Variants in SPIDR observed in about 807,000 individuals in gnomAD.
SPIDR encodes the protein DNA repair-scaffolding protein.
A neutral mutation model predicts 104.6 loss-of-function variants in SPIDR; 93 were observed. The observed-to-expected ratio is 0.89, with a 90% CI of 0.75 to 1.06. The LOEUF (loss-of-function observed/expected upper bound fraction) is 1.06. Among genes scored for constraint, SPIDR ranks in the 50% least tolerant of loss-of-function variants. The pLI is 0.00. For synonymous variants in SPIDR, 431 were observed against 416.9 expected (o/e 1.03, Z -0.41); for missense variants, 1,154 against 1,111.2 (o/e 1.04, Z -0.55).
chr8:47,386,094 G>A (rs1554648051), intron 5 of SPIDR, among the ~76,000 whole-genome samples: 1 of 151,792 alleles, frequency 6.6e-6, no homozygotes, highest in South Asian at 2.1e-4. Flanking sequence ...TTATTCCCAA[G>A]TAAGTTTCTT....
chr8:47,695,359 A>G (rs1461899722), intron 11 of SPIDR, among the ~76,000 whole-genome samples: 1 of 151,956 alleles, frequency 6.6e-6, no homozygotes, highest in African/African-American at 2.4e-5. Context: ...AACATTTTAT[A>G]CCCAGAATAC....
intron 8 of SPIDR, among the ~76,000 whole-genome samples, chr8:47,484,867 C>T (rs542536004): frequency 1.3e-5 from 2 of 152,242 alleles, no homozygotes; most frequent in African/African-American, 2.4e-5. Context: ...ACCCGGACGG[C>T]AGTTCCAAGA....
chr8:47,634,836 T>C (rs1479259504), intron 10 of SPIDR, among the ~76,000 whole-genome samples: 1 of 152,234 alleles, frequency 6.6e-6, no homozygotes, highest in Admixed American at 6.5e-5. Context: ...TGTTTTCTGC[T>C]TTGTAGTGTA....
At chr8:47,667,333 C>T (rs1259836061) in intron 10 of SPIDR, among the ~76,000 whole-genome samples, 1 of 149,388 alleles carries the variant, frequency 6.7e-6, no homozygotes, top group Non-Finnish European at 1.5e-5. Flanking sequence ...CACAGTGGCT[C>T]ATGTTGATAA....
At position 47,279,941 on chromosome 8, in the gene SPIDR, C is replaced by T; in HGVS notation, c.113C>T (p.Thr38Ile). 1.9e-6 allele frequency: 3 copies of T among 1,614,154 alleles called. No homozygotes were observed. The highest frequency in any genetic ancestry group is 2.5e-6 in the Non-Finnish European group (3 of 1,180,008). ...CAGGTCAGAAGAGCAGGTCTCAGGACAGCAGGGGCAGCTGCCTCTCTCTCT... is the reference window on the plus strand; with the variant it reads ...CAGGTCAGAAGAGCAGGTCTCAGGATAGCAGGGGCAGCTGCCTCTCTCTCT... ...PLQVRRAGLR[T>I]AGAAASLSEA... Residue 38 changes from threonine (T) to isoleucine (I), a missense_variant, in exon 2 of 20, where the codon ACA becomes ATA. By Grantham distance (89) the Thr-to-Ile change is moderately conservative. Coordinates refer to ENST00000297423, the MANE Select transcript of SPIDR (RefSeq NM_001080394.4).
intron 10 of SPIDR, among the ~76,000 whole-genome samples, chr8:47,607,559 G>C (rs1243805727): frequency 6.6e-6 from 1 of 151,380 alleles, no homozygotes; most frequent in Non-Finnish European, 1.5e-5. Flanking sequence ...AAAGACTCTT[G>C]CATCAAGCTT....
At chr8:47,385,429 A>G (rs1188597149) in intron 5 of SPIDR, among the ~76,000 whole-genome samples, 3 of 152,264 alleles carry the variant, frequency 2.0e-5, no homozygotes, top group African/African-American at 7.2e-5. Context: ...TTCTTTACAT[A>G]TAAAGTATGC....
intron 8 of SPIDR, among the ~76,000 whole-genome samples, chr8:47,442,284 T>A (rs2069592397): frequency 6.6e-6 from 1 of 152,216 alleles, no homozygotes; most frequent in African/African-American, 2.4e-5. Flanking sequence ...TAATTTGGAG[T>A]ATAATCTTCC....
intron 5 of SPIDR, among the ~76,000 whole-genome samples, chr8:47,329,353 G>T (rs1006385068): frequency 3.1e-4 from 47 of 152,088 alleles, no homozygotes; most frequent in African/African-American, 1.1e-3. Flanking sequence ...TTACAGGCGT[G>T]AGCCACCGCG....
chr8:47,351,749 T>C (rs2053543586), intron 5 of SPIDR, among the ~76,000 whole-genome samples: 1 of 152,146 alleles, frequency 6.6e-6, no homozygotes, highest in Non-Finnish European at 1.5e-5. Context: ...TACGTAGGCA[T>C]TGTGTTAGGC....
At chr8:47,408,047 T>C (rs979036447) in intron 7 of SPIDR, 86 bp downstream of exon 7, 5 of 678,716 alleles carry the variant, frequency 7.4e-6, no homozygotes, top group Non-Finnish European at 1.2e-5. Context: ...TGAAGTTAAT[T>C]GTTAATATTT....
At chr8:47,450,025 A>T (rs2071408816) in intron 8 of SPIDR, among the ~76,000 whole-genome samples, 1 of 152,118 alleles carries the variant, frequency 6.6e-6, no homozygotes, top group South Asian at 2.1e-4. Flanking sequence ...TTAGCCAGGC[A>T]CGATGGTGCA....
At chr8:47,539,858 C>G (rs1210241600) in intron 8 of SPIDR, among the ~76,000 whole-genome samples, 1 of 152,080 alleles carries the variant, frequency 6.6e-6, no homozygotes, top group Non-Finnish European at 1.5e-5. Flanking sequence ...GGGTTCCTCT[C>G]TCTCCATGGT....
At chr8:47,528,973 A>G (rs1431283095) in intron 8 of SPIDR, among the ~76,000 whole-genome samples, 5 of 152,228 alleles carry the variant, frequency 3.3e-5, no homozygotes, top group African/African-American at 1.2e-4. Flanking sequence ...ACGCTTAAGC[A>G]TATCATACTT....
chr8:47,735,607 GT>G lies in SPIDR; in HGVS notation c.*161del. The stretch of plus-strand genomic sequence containing the variant: ...TTTTCTGGGGAAATGTTCAGATACA[GT>G]TTTGTGAACTGTAAATCAAAATACC... On this transcript the variant is annotated 3_prime_UTR_variant, in exon 20 of 20. Transcript: ENST00000297423. 7.0e-7 allele frequency: 1 copy of G among 1,423,880 alleles called. No homozygotes were observed. The highest frequency in any genetic ancestry group is 9.4e-7 in the Non-Finnish European group (1 of 1,063,614). 88.2% of individuals were successfully genotyped at this position (1,423,880 alleles called of 1,614,324 possible).
intron 11 of SPIDR, among the ~76,000 whole-genome samples, chr8:47,683,606 T>C (rs2077363941): frequency 6.6e-6 from 1 of 152,200 alleles, no homozygotes; most frequent in Non-Finnish European, 1.5e-5. Context: ...AATTTTGAAA[T>C]ATGTGCATTA....
At chr8:47,378,437 G>T (rs1397685107) in intron 5 of SPIDR, among the ~76,000 whole-genome samples, 2 of 152,164 alleles carry the variant, frequency 1.3e-5, no homozygotes, top group African/African-American at 4.8e-5. Flanking sequence ...TCTTTAAAGA[G>T]AATTCATTTT....
At chr8:47,420,393 C>T (rs954049387) in intron 7 of SPIDR, among the ~76,000 whole-genome samples, 1 of 152,012 alleles carries the variant, frequency 6.6e-6, no homozygotes, top group African/African-American at 2.4e-5. Context: ...CTCTTTTGAT[C>T]TTTGTTGGTT....
chr8:47,704,262 C>T (rs1589360657), intron 14 of SPIDR, among the ~76,000 whole-genome samples: 1 of 152,254 alleles, frequency 6.6e-6, no homozygotes, highest in Non-Finnish European at 1.5e-5. Flanking sequence ...TACTTCACCA[C>T]CTTTAATTCT....
Sources: gnomAD v4.1 joint callset for allele counts (sites outside exome capture counted in the v4.1 genomes callset) on GRCh38, gnomAD v4.1.1 for gene constraint, MANE v1.5 for transcripts, NCBI Gene and HGNC (gene_info 2026-07-23, HGNC 2026-07-21) for gene names.